Variants in KCNQ5 observed in about 807,000 individuals in gnomAD.
KCNQ5 encodes the protein potassium voltage-gated channel subfamily KQT member 5.
A neutral mutation model predicts 98.2 loss-of-function variants in KCNQ5; 30 were observed. The ratio of observed to expected loss-of-function variants is 0.31; its 90% CI spans 0.23 to 0.41. KCNQ5 has a LOEUF of 0.41. KCNQ5 is among the 10% of genes least tolerant of loss of function. The pLI is 1.00. For missense variants in KCNQ5, 835 were observed against 1,182.5 expected, an observed-to-expected ratio of 0.71 and a Z score of 4.31; for synonymous variants, 458 against 449.4, an observed-to-expected ratio of 1.02 and a Z score of -0.24.
At chr6:72,781,039 T>C (rs1230866158) in intron 1 of KCNQ5, among the ~76,000 whole-genome samples, 2 of 152,172 alleles carry the variant, frequency 1.3e-5, no homozygotes, top group African/African-American at 4.8e-5. Flanking sequence ...CCTACCCAAA[T>C]TCATGTCTAT....
Position 73,083,022 on chromosome 6 carries a change from C to G in KCNQ5, c.918+5135C>G, listed in dbSNP as rs139614351. 6.4e-3 allele frequency among the ~76,000 whole-genome samples: 964 copies of G among 151,642 alleles called. 5 individuals carry two copies. The highest frequency in any genetic ancestry group is 0.01 in the Non-Finnish European group (686 of 67,984). On this transcript the variant is annotated intron_variant, in intron 5 of 13. Coordinates refer to ENST00000370398, the MANE Select transcript of KCNQ5 (RefSeq NM_019842.4). ...CCTCCCGCCTCAGCCTCCTGAGTAG[C>G]TGGGACCCCAGGCACATGCCACCAT...
chr6:73,126,706 T>C (rs1775999858), intron 9 of KCNQ5, among the ~76,000 whole-genome samples: 1 of 152,140 alleles, frequency 6.6e-6, no homozygotes, highest in Non-Finnish European at 1.5e-5. Context: ...TCATTGAACA[T>C]TTGGCAAAAA....
intron 1 of KCNQ5, chr6:72,987,692 C>G: frequency 5.1e-6 from 3 of 584,968 alleles, no homozygotes; most frequent in Middle Eastern, 1.1e-3. Flanking sequence ...TCCACCGCCC[C>G]CAACAAGATC....
In KCNQ5 at chr6:73,004,588, A is replaced by G. The variant is rs190841183; in HGVS notation, c.489+590A>G. Among the ~76,000 whole-genome samples the G allele has an allele frequency of 1.6e-3, 243 of 152,340 alleles. 3 individuals are homozygous for G. The highest frequency in any genetic ancestry group is 2.8e-3 in the Admixed American group (43 of 15,296). On this transcript the variant is annotated intron_variant, in intron 2 of 13. Coordinates refer to ENST00000370398, the MANE Select transcript of KCNQ5 (RefSeq NM_019842.4). ...TCAACCACACAGAATTGCTCAATTC[A>G]CTTTAAAATGGAAAAAGACCCCAAG...
At chr6:73,099,195 C>G (rs185190608) in intron 5 of KCNQ5, among the ~76,000 whole-genome samples, 59 of 151,634 alleles carry the variant, frequency 3.9e-4, no homozygotes, top group Non-Finnish European at 7.8e-4. Flanking sequence ...AATCATACCA[C>G]CAGAGAAAAT....
At chr6:72,918,878 A>T (rs946620913) in intron 1 of KCNQ5, among the ~76,000 whole-genome samples, 3 of 152,212 alleles carry the variant, frequency 2.0e-5, no homozygotes, top group African/African-American at 7.2e-5. Context: ...TGAAGTCCAG[A>T]TTTACAAAGA....
At chr6:72,988,681 T>G (rs1768947869) in intron 1 of KCNQ5, among the ~76,000 whole-genome samples, 1 of 134,034 alleles carries the variant, frequency 7.5e-6, no homozygotes, top group Non-Finnish European at 1.6e-5. Flanking sequence ...ATACTCTAAG[T>G]TTTAGGGTAC....
At chr6:72,753,651 A>G (rs1263408704) in intron 1 of KCNQ5, among the ~76,000 whole-genome samples, 1 of 152,122 alleles carries the variant, frequency 6.6e-6, no homozygotes, top group African/African-American at 2.4e-5. Context: ...AGTATCTTAT[A>G]GTTTTAATCT....
intron 2 of KCNQ5, among the ~76,000 whole-genome samples, chr6:73,027,183 G>A (rs1770929296): frequency 6.6e-6 from 1 of 152,166 alleles, no homozygotes; most frequent in Non-Finnish European, 1.5e-5. Flanking sequence ...GTATGAAAAG[G>A]ATCAAAACAG....
At chr6:73,114,595 T>C (rs2150431606) in intron 7 of KCNQ5, among the ~76,000 whole-genome samples, 1 of 152,330 alleles carries the variant, frequency 6.6e-6, no homozygotes, top group South Asian at 2.1e-4. Flanking sequence ...TTATTAATAA[T>C]GCTTAAGACT....
At chr6:72,678,481 T>C (rs565206044) in intron 1 of KCNQ5, 1 of 152,148 alleles carries the variant, frequency 6.6e-6, no homozygotes, top group East Asian at 1.9e-4. Context: ...ACATTATTAT[T>C]CAATTATTAA....
chr6:72,980,453 T>A (rs1182416796), intron 1 of KCNQ5, among the ~76,000 whole-genome samples: 1 of 152,194 alleles, frequency 6.6e-6, no homozygotes, highest in African/African-American at 2.4e-5. Flanking sequence ...GAATGGGAGT[T>A]CACTCATGAT....
Position 73,059,998 on chromosome 6 carries a change from C to T in KCNQ5, c.617-17324C>T, listed in dbSNP as rs73446753. 9.1e-3 allele frequency among the ~76,000 whole-genome samples: 1,388 copies of T among 152,148 alleles called. 23 individuals are homozygous for T. The highest frequency in any genetic ancestry group is 0.031 in the African/African-American group (1,299 of 41,512). On this transcript the variant is annotated intron_variant, in intron 3 of 13. Coordinates refer to ENST00000370398, the MANE Select transcript of KCNQ5 (RefSeq NM_019842.4). ...TCCTGCTAAAAGATACAGATAATGA[C>T]ATTAGTTAGAGCCTTAAAGTACTAC... is the stretch of plus-strand genomic sequence containing the variant.
chr6:72,823,598 G>A (rs1775856359), intron 1 of KCNQ5, among the ~76,000 whole-genome samples: 1 of 152,092 alleles, frequency 6.6e-6, no homozygotes, highest in Non-Finnish European at 1.5e-5. Context: ...GCTGCAGAAG[G>A]GAGACCTGCA....
intron 1 of KCNQ5, among the ~76,000 whole-genome samples, chr6:72,897,704 G>A (rs1249316978): frequency 6.6e-6 from 1 of 152,174 alleles, no homozygotes; most frequent in Non-Finnish European, 1.5e-5. Flanking sequence ...GCAAAAAGGA[G>A]GAGAGGGAGT....
chr6:72,679,757 C>G (rs1226608118), intron 1 of KCNQ5, among the ~76,000 whole-genome samples: 2 of 152,186 alleles, frequency 1.3e-5, no homozygotes, highest in Non-Finnish European at 2.9e-5. Context: ...GTATGAAAGT[C>G]AGCCAGGCAT....
chr6:72,717,288 G>A (rs1769694391), intron 1 of KCNQ5, among the ~76,000 whole-genome samples: 1 of 152,164 alleles, frequency 6.6e-6, no homozygotes, highest in Non-Finnish European at 1.5e-5. Context: ...TCTCAAAATT[G>A]CTAGAAGAAG....
chr6:73,097,472 A>G (rs1774561432), intron 5 of KCNQ5, among the ~76,000 whole-genome samples: 1 of 152,214 alleles, frequency 6.6e-6, no homozygotes, highest in South Asian at 2.1e-4. Flanking sequence ...ATTATAAGCC[A>G]ATAGCTAACA....
At chr6:72,836,597 C>T (rs1256520195) in intron 1 of KCNQ5, among the ~76,000 whole-genome samples, 3 of 152,094 alleles carry the variant, frequency 2.0e-5, no homozygotes, top group Non-Finnish European at 4.4e-5. Context: ...CGCCACCACA[C>T]TCTGCTAATT....
Sources: gnomAD v4.1 joint callset for allele counts (sites outside exome capture counted in the v4.1 genomes callset) on GRCh38, gnomAD v4.1.1 for gene constraint, MANE v1.5 for transcripts, NCBI Gene and HGNC (gene_info 2026-07-23, HGNC 2026-07-21) for gene names.